SLC25A48: variants seen among roughly 807,000 people sequenced by gnomAD.
SLC25A48 encodes the protein CTC-321K16.1.
Under a neutral mutation model 32.2 loss-of-function variants are expected in SLC25A48, and 29 were observed. The observed-to-expected ratio is 0.90, with a 90% CI of 0.67 to 1.23. The LOEUF (loss-of-function observed/expected upper bound fraction) is 1.23, where lower values mean the gene tolerates loss of function less well. Among genes scored for constraint, SLC25A48 ranks in the 50% most tolerant of loss-of-function variants. The pLI is 0.00. For missense variants in SLC25A48, 399 were observed against 422.7 expected, an observed-to-expected ratio of 0.94 and a Z score of 0.49; for synonymous variants, 164 against 172.3, an observed-to-expected ratio of 0.95 and a Z score of 0.38.
At chr5:135,754,656 T>C (rs946641910) in intron 3 of SLC25A48, among the ~76,000 whole-genome samples, 2 of 152,036 alleles carry the variant, frequency 1.3e-5, no homozygotes, top group African/African-American at 4.8e-5. Flanking sequence ...TAATATCCAG[T>C]GTTTATACAC....
At chr5:135,849,726 C>T (rs575049522) in intron 2 of SLC25A48, among the ~76,000 whole-genome samples, 1 of 152,128 alleles carries the variant, frequency 6.6e-6, no homozygotes, top group South Asian at 2.1e-4. Flanking sequence ...GGAGGAAGAG[C>T]CTTCCAGAAG....
At chr5:135,847,798 A>C (rs1240339586) in intron 2 of SLC25A48, among the ~76,000 whole-genome samples, 2 of 152,212 alleles carry the variant, frequency 1.3e-5, no homozygotes, top group African/African-American at 2.4e-5. Context: ...CCTTGCCAGC[A>C]TTCTGATCTT....
chr5:135,819,077 G>C (rs944320409), intron 4 of SLC25A48, among the ~76,000 whole-genome samples: 4 of 151,424 alleles, frequency 2.6e-5, no homozygotes, highest in Non-Finnish European at 1.5e-5. Context: ...GAGCCTCAGG[G>C]ATCCATGGAA....
chr5:135,766,032 G>T (rs1253745935), intron 3 of SLC25A48, among the ~76,000 whole-genome samples: 1 of 151,638 alleles, frequency 6.6e-6, no homozygotes, highest in Admixed American at 6.6e-5. Context: ...ATCACAGGGG[G>T]TGTGCACCTC....
chr5:135,584,463 A>C (rs1751316265), intron 1 of SLC25A48, among the ~76,000 whole-genome samples: 1 of 152,366 alleles, frequency 6.6e-6, no homozygotes, highest in South Asian at 2.1e-4. Context: ...GGTCCCACTC[A>C]ATGAGGAAAT....
intron 3 of SLC25A48, chr5:135,746,250 C>A: frequency 1.2e-5 from 2 of 165,680 alleles, no homozygotes; most frequent in South Asian, 3.0e-4. Flanking sequence ...TTGCCTTTTT[C>A]TTACCCGGGT....
At chr5:135,699,036 A>G (rs1754330019) in intron 3 of SLC25A48, among the ~76,000 whole-genome samples, 1 of 152,222 alleles carries the variant, frequency 6.6e-6, no homozygotes, top group Non-Finnish European at 1.5e-5. Context: ...AGGACGGGTA[A>G]CACCAAATGC....
At chr5:135,647,657 AC>A (rs1352428385) in intron 3 of SLC25A48, among the ~76,000 whole-genome samples, 1 of 152,160 alleles carries the variant, frequency 6.6e-6, no homozygotes, top group Non-Finnish European at 1.5e-5. Flanking sequence ...GGACACATGG[AC>A]ACATGAAGTC....
intron 3 of SLC25A48, among the ~76,000 whole-genome samples, chr5:135,748,988 A>G (rs12513674): frequency 0.46 from 69,738 of 151,804 alleles, 16,869 homozygotes; most frequent in Non-Finnish European, 0.54. Context: ...CACAGTGCTG[A>G]GATTACAGAT....
intron 4 of SLC25A48, among the ~76,000 whole-genome samples, chr5:135,816,037 C>T (rs1028512128): frequency 6.6e-5 from 10 of 152,116 alleles, no homozygotes; most frequent in Admixed American, 3.3e-4. Context: ...ACAGTCATGG[C>T]GGAAGGTGAA....
At chr5:135,589,695 CATTT>C (rs113154969) in intron 1 of SLC25A48, among the ~76,000 whole-genome samples, 11,543 of 151,966 alleles carry the variant, frequency 0.076, 429 homozygotes, top group South Asian at 0.14. Flanking sequence ...TTAATGTATT[CATTT>C]ATTTATTTAT....
chr5:135,754,299 TG>T (rs1755842594), intron 3 of SLC25A48, among the ~76,000 whole-genome samples: 1 of 57,260 alleles, frequency 1.7e-5, no homozygotes, highest in Non-Finnish European at 6.5e-5. Flanking sequence ...ACACTACATA[TG>T]ATATGATAAA....
At chr5:135,582,528 G>T (rs1363337809) in intron 1 of SLC25A48, among the ~76,000 whole-genome samples, 2 of 152,262 alleles carry the variant, frequency 1.3e-5, no homozygotes, top group African/African-American at 2.4e-5. Context: ...CCACAGGAGG[G>T]AGGCCACTCC....
chr5:135,612,027 G>C (rs11738804), intron 1 of SLC25A48, among the ~76,000 whole-genome samples: 19,208 of 152,182 alleles, frequency 0.13, 1,585 homozygotes, highest in African/African-American at 0.24. Flanking sequence ...AACATGAACG[G>C]TTTATATGCT....
At chr5:135,646,068 GA>G (rs1372835443) in intron 3 of SLC25A48, among the ~76,000 whole-genome samples, 2 of 151,804 alleles carry the variant, frequency 1.3e-5, no homozygotes, top group Non-Finnish European at 2.9e-5. Flanking sequence ...TTTGAATCTT[GA>G]AAAAAAATCT....
In SLC25A48 at chr5:135,825,366, A is replaced by G. The variant is rs17169180; in HGVS notation, c.-117+12440A>G. Among the ~76,000 whole-genome samples the G allele has an allele frequency of 1.2e-4, 18 of 152,122 alleles. 1 individual carries two copies. The highest frequency in any genetic ancestry group is 2.2e-4 in the Non-Finnish European group (15 of 68,020). On this transcript the variant is annotated intron_variant, in intron 4 of 10. Transcript: ENST00000646290. Reference sequence around the variant, plus strand: ...GGATTTGACCCGAAGCTTGTGGTCTATAACATTCCTAATCACCACCATGCA... The same window carrying G: ...GGATTTGACCCGAAGCTTGTGGTCTGTAACATTCCTAATCACCACCATGCA...
chr5:135,675,442 T>C (rs1387734868), intron 3 of SLC25A48, among the ~76,000 whole-genome samples: 1 of 151,900 alleles, frequency 6.6e-6, no homozygotes, highest in East Asian at 1.9e-4. Flanking sequence ...CTTCCTAGCA[T>C]CATTTACTAA....
intron 3 of SLC25A48, among the ~76,000 whole-genome samples, chr5:135,692,318 C>CAA (rs55818262): frequency 0.015 from 1,861 of 122,614 alleles, 50 homozygotes; most frequent in African/African-American, 0.04. Flanking sequence ...GACCCCGTCT[C>CAA]AAAAAAAAAA....
At chr5:135,621,609 A>AATGTAGTTT (rs1473668108) in intron 1 of SLC25A48, among the ~76,000 whole-genome samples, 1 of 152,178 alleles carries the variant, frequency 6.6e-6, no homozygotes, top group African/African-American at 2.4e-5. Context: ...GGGATATAGG[A>AATGTAGTTT]ATGTAGTTTA....
Sources: allele counts gnomAD v4.1 joint callset (sites outside exome capture counted in the v4.1 genomes callset), GRCh38; gene constraint gnomAD v4.1.1; transcripts MANE v1.5; gene names NCBI Gene and HGNC (gene_info 2026-07-23, HGNC 2026-07-21).